The following TCTN1 variants were observed in gnomAD, a reference collection of about 807,000 sequenced individuals.
TCTN1 encodes the protein tectonic family member 1, also known as tectonic-1.
In TCTN1, 58 loss-of-function variants were observed where a neutral mutation model predicts 65.8. The observed-to-expected ratio is 0.88, with a 90% CI of 0.71 to 1.10. The LOEUF (loss-of-function observed/expected upper bound fraction) is 1.10, where lower values mean the gene tolerates loss of function less well. Ranked by LOEUF, TCTN1 falls within the 50% of genes least tolerant of loss-of-function variation. TCTN1 has a pLI of 0.00. For missense variants in TCTN1, 645 were observed against 719.4 expected (o/e 0.90, Z 1.18); for synonymous variants, 273 against 289.1 (o/e 0.94, Z 0.57).
chr12:110,633,130 G>T (rs2066338536), intron 5 of TCTN1, among the ~76,000 whole-genome samples: 1 of 152,176 alleles, frequency 6.6e-6, no homozygotes, highest in Non-Finnish European at 1.5e-5. Context: ...TGCAGCCTGT[G>T]CTCCCCTATG....
At chr12:110,628,479 T>C (rs2066000814) in intron 3 of TCTN1, among the ~76,000 whole-genome samples, 1 of 152,058 alleles carries the variant, frequency 6.6e-6, no homozygotes, top group Non-Finnish European at 1.5e-5. Flanking sequence ...TAGCTGGGAT[T>C]ACAGGTGCAC....
intron 6 of TCTN1, among the ~76,000 whole-genome samples, chr12:110,635,507 G>T (rs954387093): frequency 2.6e-5 from 4 of 152,098 alleles, no homozygotes; most frequent in African/African-American, 9.7e-5. Flanking sequence ...TGTGGTCCCA[G>T]CTACTCAGGA....
intron 2 of TCTN1, among the ~76,000 whole-genome samples, chr12:110,624,830 C>T (rs1408368292): frequency 6.6e-6 from 1 of 152,192 alleles, no homozygotes; most frequent in East Asian, 1.9e-4. Flanking sequence ...GATCCGCTCA[C>T]CTCGGCCTCC....
intron 12 of TCTN1, chr12:110,645,418 C>T (rs544328981): frequency 2.2e-4 from 96 of 430,670 alleles, no homozygotes; most frequent in Non-Finnish European, 3.7e-4. Flanking sequence ...TTTATGTGGC[C>T]CTGGGCATGG....
intron 3 of TCTN1, chr12:110,627,776 A>G: frequency 8.3e-6 from 4 of 480,846 alleles, no homozygotes; most frequent in Non-Finnish European, 1.5e-5. Flanking sequence ...CATTTAGCTC[A>G]AATATATGTC....
In TCTN1 at chr12:110,636,492, A is replaced by G; in HGVS notation, c.834A>G (p.Ser278=). ...TTCTTTTTATCTAGGTACCTGATTCAAGAAAAAAGGTAAGAGTATTTATTT... is the reference window on the plus strand; with the variant it reads ...TTCTTTTTATCTAGGTACCTGATTCGAGAAAAAAGGTAAGAGTATTTATTT... ...SSPEILRVPD[S]RKKVPITVQS... The change falls in exon 7 of 15, where the codon TCA becomes TCG. Residue 278 remains serine, a synonymous_variant. Transcript: ENST00000397659. 7.3e-7 allele frequency: 1 copy of G among 1,363,556 alleles called. No homozygotes were observed. Among genetic ancestry groups the G allele is most frequent in the Non-Finnish European group, 1.0e-6 (1 of 964,268 alleles). 84.5% of individuals were successfully genotyped at this position (1,363,556 alleles called of 1,614,324 possible).
rs770427398 is a variant in TCTN1, at chr12:110,628,217, G to A, written c.473-550G>A. The stretch of plus-strand genomic sequence containing the variant: ...GATTATTATTGGCTTCTGTTGTGCT[G>A]TTTACTTGTAAGTGCTACAAACTAT... On this transcript the variant is annotated intron_variant, in intron 3 of 14. Transcript: ENST00000397659. 5 of 1,535,734 alleles carry A rather than the reference G, an allele frequency of 3.3e-6. No homozygotes were observed. In the South Asian group the frequency reaches 5.9e-5, roughly 18 times the overall value.
chr12:110,644,754 C>T lies in TCTN1; in HGVS notation c.1332-213C>T, dbSNP rs192152051. 1.6e-6 allele frequency: 1 copy of T among 622,114 alleles called. No homozygotes were observed. Among genetic ancestry groups the T allele is most frequent in the East Asian group, 2.9e-5 (1 of 34,936 alleles). 38.5% of individuals were successfully genotyped at this position (622,114 alleles called of 1,614,324 possible). A position where few individuals can be genotyped will look rare whatever the true frequency, so the allele number is the denominator to read the frequency against. On this transcript the variant is annotated intron_variant, in intron 11 of 14. Coordinates refer to ENST00000397659, the MANE Select transcript of TCTN1 (RefSeq NM_001082538.3). This position sits in a 1 kb window ranked among gnomAD's most constrained non-coding sequence, Gnocchi z 4.6. ...GTGGGCTGGGTGTGGTGGCTCACTC[C>T]TGTAGTCCCAGCACTCTGGGAGGAT...
chr12:110,627,098 CTTTT>C (rs1272922586), intron 3 of TCTN1, among the ~76,000 whole-genome samples: 3 of 130,628 alleles, frequency 2.3e-5, no homozygotes, highest in African/African-American at 2.9e-5. Flanking sequence ...TTCTTTCTTT[CTTTT>C]TTTTTTTTTT....
In TCTN1 at chr12:110,641,551, C is replaced by T. The variant is rs370117766; in HGVS notation, c.1114C>T (p.Gln372Ter). The T allele has an allele frequency of 2.5e-6, 4 of 1,614,032 alleles. No homozygotes were observed. Among genetic ancestry groups the T allele is most frequent in the Non-Finnish European group, 3.4e-6 (4 of 1,180,000 alleles). ...CTGCATTGTCTTTCAGGAAAATACC[C>T]AGCCAGTCCCTCTCAGTGGAAACCC... ...FEIHFLQENT[Q>*]PVPLSGNPGY... The change falls in exon 10 of 15, where the codon CAG (glutamine) becomes TAG (stop). Residue 372 changes from glutamine (Q) to a stop codon, truncating the protein, a stop_gained. Transcript: ENST00000397659. LOFTEE classifies it high-confidence loss of function.
intron 1 of TCTN1, among the ~76,000 whole-genome samples, chr12:110,619,162 G>A (rs2065250592): frequency 6.6e-6 from 1 of 151,976 alleles, no homozygotes; most frequent in South Asian, 2.1e-4. Flanking sequence ...TGGGCAACAA[G>A]AGCCGAAACT....
At chr12:110,625,277 T>G (rs141085166) in intron 2 of TCTN1, among the ~76,000 whole-genome samples, 68 of 152,324 alleles carry the variant, frequency 4.5e-4, no homozygotes, top group Middle Eastern at 3.4e-3. Flanking sequence ...GGAAAAAGTT[T>G]TAAATGCCAA....
At position 110,632,581 on chromosome 12, in the gene TCTN1, TTTCCTTAGACA is replaced by T. The variant is rs1172279128; in HGVS notation, c.712+25_712+35del. The T allele has an allele frequency of 5.0e-6, 8 of 1,610,940 alleles. No individual in the cohort carries two copies. In the African/African-American group the frequency reaches 9.3e-5, roughly 19 times the overall value. On this transcript the variant is annotated intron_variant, in intron 5 of 14. Coordinates refer to ENST00000397659, the MANE Select transcript of TCTN1 (RefSeq NM_001082538.3). Reference sequence around the variant, plus strand: ...GCAGGTAAGAAAGTGGTCATTCTTCTTTCCTTAGACATTTGCTGTTATTATTAGGTTGGTGG... The same window carrying T: ...GCAGGTAAGAAAGTGGTCATTCTTCTTTTGCTGTTATTATTAGGTTGGTGG...
At chr12:110,618,504 G>A (rs1363635583) in intron 1 of TCTN1, among the ~76,000 whole-genome samples, 2 of 152,100 alleles carry the variant, frequency 1.3e-5, no homozygotes, top group African/African-American at 4.8e-5. Context: ...CTCCCAAAGT[G>A]CTGGGATTAC....
chr12:110,614,490 T>C, intron 1 of TCTN1, 88 bp downstream of exon 1: 1 of 1,543,976 alleles, frequency 6.5e-7, no homozygotes, highest in South Asian at 1.2e-5. Flanking sequence ...GATAGCTAAC[T>C]CTTATTGAGC....
In TCTN1 at chr12:110,640,341, C is replaced by G; in HGVS notation, c.844-42C>G. On this transcript the variant is annotated intron_variant, in intron 7 of 14. Coordinates refer to ENST00000397659, the MANE Select transcript of TCTN1 (RefSeq NM_001082538.3). The surrounding 1 kb of genome is among the most constrained non-coding windows in gnomAD (Gnocchi z 4.9). ...GGTTGGTTATTTTAGCCCATCCTCC[C>G]TGGGTAGAGCATCTTCAACACTCCA... 2 of 1,613,896 alleles carry G rather than the reference C, an allele frequency of 1.2e-6. No homozygotes were observed. Among genetic ancestry groups the G allele is most frequent in the Non-Finnish European group, 1.7e-6 (2 of 1,179,932 alleles).
intron 5 of TCTN1, chr12:110,634,389 A>C (rs1445860404): frequency 2.0e-6 from 1 of 493,584 alleles, no homozygotes; most frequent in African/African-American, 1.9e-5. Flanking sequence ...AATTTAAAAC[A>C]TTGTAGGCCA....
chr12:110,635,461 TAAAA>T (rs200089507), intron 6 of TCTN1, among the ~76,000 whole-genome samples: 3 of 150,984 alleles, frequency 2.0e-5, no homozygotes, highest in African/African-American at 4.9e-5. Flanking sequence ...CAAAAAATAA[TAAAA>T]AAAAACCTTT....
intron 1 of TCTN1, chr12:110,616,261 T>C: frequency 2.2e-6 from 1 of 452,364 alleles, no homozygotes; most frequent in Non-Finnish European, 4.4e-6. Flanking sequence ...TTTATTTTTT[T>C]TTTTTTTGGT....
Sources: allele counts gnomAD v4.1 joint callset (sites outside exome capture counted in the v4.1 genomes callset), GRCh38; gene constraint gnomAD v4.1.1; non-coding constraint Gnocchi (gnomAD v3.1); transcripts MANE v1.5; gene names NCBI Gene and HGNC (gene_info 2026-07-23, HGNC 2026-07-21).